The following SNX29 variants were observed in gnomAD, a reference collection of about 807,000 sequenced individuals.
SNX29 encodes sorting nexin-29.
Under a neutral mutation model 102.1 loss-of-function variants are expected in SNX29, and 78 were observed. That is an observed-to-expected ratio of 0.76 (90% CI 0.64 to 0.92). The LOEUF (loss-of-function observed/expected upper bound fraction) is 0.92. SNX29 is among the 40% of genes least tolerant of loss of function. The pLI, the probability that SNX29 is intolerant of heterozygous loss-of-function variation, is 0.00. For missense variants in SNX29, 1,280 were observed against 1,061.7 expected, an observed-to-expected ratio of 1.21 and a Z score of -2.86; for synonymous variants, 580 against 414.5, an observed-to-expected ratio of 1.40 and a Z score of -4.85.
At chr16:12,074,736 C>G (rs1321244404) in intron 10 of SNX29, among the ~76,000 whole-genome samples, 1 of 152,180 alleles carries the variant, frequency 6.6e-6, no homozygotes, top group Non-Finnish European at 1.5e-5. Flanking sequence ...GGGACGTTCT[C>G]CTGGATAATA....
chr16:12,245,376 C>T (rs1567352175), intron 14 of SNX29, among the ~76,000 whole-genome samples: 2 of 151,810 alleles, frequency 1.3e-5, no homozygotes, highest in African/African-American at 4.8e-5. Context: ...ATGTAAAGCG[C>T]TCAGTAACTG....
At chr16:12,352,506 T>TAA (rs1273640842) in intron 15 of SNX29, among the ~76,000 whole-genome samples, 2 of 151,984 alleles carry the variant, frequency 1.3e-5, no homozygotes, top group Non-Finnish European at 1.5e-5. Context: ...CCCTAAAACT[T>TAA]AAAGTATAAA....
chr16:12,509,380 G>A (rs899879823), intron 19 of SNX29, among the ~76,000 whole-genome samples: 3 of 152,168 alleles, frequency 2.0e-5, no homozygotes, highest in Non-Finnish European at 2.9e-5. Flanking sequence ...GGGGAGGCAC[G>A]GGGAGCGGAT....
chr16:12,356,222 A>G lies in SNX29; in HGVS notation c.1842A>G (p.Val614=). 3 of 1,613,354 alleles carry G rather than the reference A, an allele frequency of 1.9e-6. No homozygotes were observed. The highest frequency in any genetic ancestry group is 2.5e-6 in the Non-Finnish European group (3 of 1,179,724). ...ACGAGCGCCTGCACAGGGCCCTGGTAGCCAAGGAAGCCCTCGTGTCCCAGA... is the reference window on the plus strand; with the variant it reads ...ACGAGCGCCTGCACAGGGCCCTGGTGGCCAAGGAAGCCCTCGTGTCCCAGA... The part of the protein sequence containing the change: ...EFNERLHRAL[V]AKEALVSQMR... The change falls in exon 16 of 21, where the codon GTA becomes GTG. Residue 614 remains valine, a synonymous_variant. Coordinates refer to ENST00000566228, the MANE Select transcript of SNX29 (RefSeq NM_032167.5).
intron 13 of SNX29, among the ~76,000 whole-genome samples, chr16:12,140,551 C>G (rs537808631): frequency 1.8e-4 from 28 of 152,272 alleles, no homozygotes; most frequent in African/African-American, 6.7e-4. Context: ...TGAGGTGCAG[C>G]CTGCAGATGT....
At chr16:12,547,229 C>A (rs1460644921) in intron 20 of SNX29, among the ~76,000 whole-genome samples, 1 of 152,170 alleles carries the variant, frequency 6.6e-6, no homozygotes, top group East Asian at 1.9e-4. Context: ...GGCAGGGAGC[C>A]AGGCAGTGGA....
chr16:12,017,632 A>T (rs530543770), intron 3 of SNX29, among the ~76,000 whole-genome samples: 7 of 152,244 alleles, frequency 4.6e-5, no homozygotes, highest in South Asian at 4.1e-4. Context: ...TATTTTTCTC[A>T]GTTATTTTTA....
intron 20 of SNX29, among the ~76,000 whole-genome samples, chr16:12,544,081 T>C (rs982233894): frequency 6.6e-6 from 1 of 152,212 alleles, no homozygotes; most frequent in South Asian, 2.1e-4. Flanking sequence ...GGTAGAGGTC[T>C]TTCTGCAGAC....
At chr16:12,113,789 G>A (rs996822415) in intron 11 of SNX29, among the ~76,000 whole-genome samples, 5 of 152,208 alleles carry the variant, frequency 3.3e-5, no homozygotes, top group Admixed American at 6.5e-5. Context: ...GCATTTGGCC[G>A]GCGAGCGGCC....
At position 12,339,239 on chromosome 16, in the gene SNX29, C is replaced by T. The variant is rs904275220; in HGVS notation, c.1783-16924C>T. Among the ~76,000 whole-genome samples the T allele has an allele frequency of 4.0e-5, 6 of 151,896 alleles. 1 individual carries two copies. The highest frequency in any genetic ancestry group is 6.6e-5 in the Admixed American group (1 of 15,266). On this transcript the variant is annotated intron_variant, in intron 15 of 20. Transcript: ENST00000566228. ...AAAAACAATTAGCCAGGCGTGGTGG[C>T]GCATGCCTGTAATCCCAGCTACTTG...
chr16:12,568,129 C>G (rs768769724), intron 20 of SNX29, among the ~76,000 whole-genome samples: 1 of 152,134 alleles, frequency 6.6e-6, no homozygotes, highest in East Asian at 1.9e-4. Context: ...ATGTAGTGTT[C>G]TCCAAAGTTG....
chr16:12,286,569 T>C (rs1324219963), intron 15 of SNX29, among the ~76,000 whole-genome samples: 3 of 151,888 alleles, frequency 2.0e-5, no homozygotes, highest in African/African-American at 7.3e-5. Flanking sequence ...ATGGTCTCGA[T>C]CTCCTCACCT....
At chr16:12,285,594 AT>A (rs1414442584) in intron 15 of SNX29, among the ~76,000 whole-genome samples, 2 of 152,232 alleles carry the variant, frequency 1.3e-5, no homozygotes, top group African/African-American at 4.8e-5. Context: ...GAATGTGATC[AT>A]CATTTTAATA....
At chr16:12,257,590 C>G (rs547252747) in intron 14 of SNX29, among the ~76,000 whole-genome samples, 7 of 152,198 alleles carry the variant, frequency 4.6e-5, no homozygotes, top group African/African-American at 9.6e-5. Flanking sequence ...CTCACTGAAG[C>G]CTTTAACTCT....
intron 20 of SNX29, among the ~76,000 whole-genome samples, chr16:12,550,887 G>A (rs12445800): frequency 0.019 from 2,913 of 152,272 alleles, 153 homozygotes; most frequent in Admixed American, 0.11. Context: ...AACCTGTGAC[G>A]GGAGGGGAAG....
rs1244846980 is a variant in SNX29 at position 12,403,451 on chromosome 16, A to C, written c.1959A>C (p.Ser653=). The C allele has an allele frequency of 1.2e-6, 2 of 1,605,856 alleles. No individual in the cohort carries two copies. Among genetic ancestry groups the C allele is most frequent in the African/African-American group, 2.7e-5 (2 of 74,798 alleles). Residue 653 remains serine (S), a synonymous_variant, in exon 18 of 21, where the codon TCA becomes TCC. Transcript: ENST00000566228. ...EDQSLSDFEI[S]NRALINVWIP... ...TCTCTCTCTTCCTTTTGGTTAGATC[A>C]AACCGGGCGCTGATCAACGTCTGGA... is the stretch of plus-strand genomic sequence containing the variant.
intron 13 of SNX29, among the ~76,000 whole-genome samples, chr16:12,194,858 C>G (rs370307529): frequency 6.6e-6 from 1 of 152,032 alleles, no homozygotes; most frequent in African/African-American, 2.4e-5. Flanking sequence ...AACTCCCGAC[C>G]TCAGATGATC....
At chr16:12,516,360 G>T (rs2089864253) in intron 19 of SNX29, among the ~76,000 whole-genome samples, 2 of 151,904 alleles carry the variant, frequency 1.3e-5, no homozygotes, top group South Asian at 4.2e-4. Flanking sequence ...TGCACCTGTA[G>T]TCCCAGCTAC....
chr16:12,055,946 G>A (rs945361604), intron 8 of SNX29, among the ~76,000 whole-genome samples: 11 of 152,030 alleles, frequency 7.2e-5, no homozygotes, highest in Non-Finnish European at 1.2e-4. Context: ...GCAGTGGTGC[G>A]ATCTCAGTTC....
Sources: allele counts gnomAD v4.1 joint callset (sites outside exome capture counted in the v4.1 genomes callset), GRCh38; gene constraint gnomAD v4.1.1; transcripts MANE v1.5; gene names NCBI Gene and HGNC (gene_info 2026-07-23, HGNC 2026-07-21).